The following MXI1 variants were observed in gnomAD, a reference collection of about 807,000 sequenced individuals.
MXI1 encodes the protein MAX interactor 1, dimerization protein.
In MXI1, 18 loss-of-function variants were observed where a neutral mutation model predicts 36.9. The ratio of observed to expected loss-of-function variants is 0.49; its 90% CI spans 0.34 to 0.72. The LOEUF (loss-of-function observed/expected upper bound fraction) is 0.72. MXI1 is among the 30% of genes least tolerant of loss of function. MXI1 has a pLI of 0.01. For missense variants in MXI1, 304 were observed against 379.1 expected, an observed-to-expected ratio of 0.80 and a Z score of 1.64; for synonymous variants, 160 against 146.7, an observed-to-expected ratio of 1.09 and a Z score of -0.65.
intron 1 of MXI1, among the ~76,000 whole-genome samples, chr10:110,212,652 T>C (rs1854540518): frequency 6.6e-6 from 1 of 152,230 alleles, no homozygotes; most frequent in Non-Finnish European, 1.5e-5. Flanking sequence ...ACTGGCTTTG[T>C]GACTTTGGAC....
chr10:110,231,442 C>T (rs1855257667), intron 2 of MXI1, among the ~76,000 whole-genome samples: 1 of 151,690 alleles, frequency 6.6e-6, no homozygotes, highest in African/African-American at 2.4e-5. Flanking sequence ...TCCTATTCCC[C>T]TTTCCCCCAT....
intron 1 of MXI1, among the ~76,000 whole-genome samples, chr10:110,226,803 G>A (rs557682086): frequency 3.5e-5 from 1 of 28,242 alleles, no homozygotes; most frequent in South Asian, 1.1e-3. Flanking sequence ...GCGCGTGAGG[G>A]GAGGGGCGTG....
intron 3 of MXI1, among the ~76,000 whole-genome samples, chr10:110,268,712 A>G (rs1856761747): frequency 6.6e-6 from 1 of 152,104 alleles, no homozygotes; most frequent in Non-Finnish European, 1.5e-5. Context: ...GGCTGCCTCC[A>G]AAAGTTACTC....
In MXI1 at chr10:110,208,274, C is replaced by A. The variant is rs1590315652; in HGVS notation, c.274+192C>A. The A allele has an allele frequency of 1.3e-5, 7 of 534,052 alleles. No individual in the cohort carries two copies. The East Asian group carries it at 2.6e-4, about 20-fold the overall frequency. 33.1% of individuals were successfully genotyped at this position (534,052 alleles called of 1,614,324 possible). ...CTGCTAAAGATGTAACAAAGACGGG[C>A]GAGGGGGAGAGGGGCCTGTCGGTGC... On this transcript the variant is annotated intron_variant, in intron 1 of 5. Coordinates refer to ENST00000332674, the MANE Select transcript of MXI1 (RefSeq NM_130439.3).
chr10:110,211,004 A>G (rs1854498491), intron 1 of MXI1, among the ~76,000 whole-genome samples: 1 of 151,424 alleles, frequency 6.6e-6, no homozygotes, highest in African/African-American at 2.4e-5. Context: ...GGTTTCTGGA[A>G]GGAAGCAGGG....
Position 110,235,690 on chromosome 10 carries a change from A to AAAATAAATAAAT in MXI1, c.407+7388_407+7399dup, listed in dbSNP as rs60672702. 2.8e-4 allele frequency among the ~76,000 whole-genome samples: 42 copies of AAAATAAATAAAT among 149,198 alleles called. No individual in the cohort carries two copies. The Middle Eastern group carries it at 0.018, about 63-fold the overall frequency. ...GTGACAGAGCAAGACTCTGTCTCAAAAAATAAATAAATAAATAAATAAATA... is the reference window on the plus strand; with the variant it reads ...GTGACAGAGCAAGACTCTGTCTCAAAAAATAAATAAATAAATAAATAAATAAATAAATAAATA... On this transcript the variant is annotated intron_variant, in intron 2 of 5. Transcript: ENST00000332674.
intron 2 of MXI1, among the ~76,000 whole-genome samples, chr10:110,237,648 T>A (rs1322816336): frequency 1.3e-5 from 2 of 152,218 alleles, no homozygotes; most frequent in Non-Finnish European, 2.9e-5. Context: ...TCGCTACAGA[T>A]GCCAGCCATA....
At chr10:110,243,810 T>C (rs1461857149) in intron 2 of MXI1, among the ~76,000 whole-genome samples, 1 of 152,120 alleles carries the variant, frequency 6.6e-6, no homozygotes, top group East Asian at 1.9e-4. Flanking sequence ...TTTTCCTATT[T>C]CATAGATGAG....
At chr10:110,208,170 C>G in intron 1 of MXI1, 88 bp downstream of exon 1, 1 of 1,050,630 alleles carries the variant, frequency 9.5e-7, no homozygotes, top group Non-Finnish European at 1.3e-6. Flanking sequence ...CTCGGCCCGT[C>G]CCCCCCCCGC....
chr10:110,260,862 T>A (rs1856488648), intron 3 of MXI1: 2 of 281,116 alleles, frequency 7.1e-6, no homozygotes, highest in South Asian at 1.4e-4. Flanking sequence ...TCTAAGGAAA[T>A]GTAGTTAATC....
chr10:110,232,685 A>G (rs1168244619), intron 2 of MXI1, among the ~76,000 whole-genome samples: 1 of 152,206 alleles, frequency 6.6e-6, no homozygotes, highest in Non-Finnish European at 1.5e-5. Flanking sequence ...AAGGTTTTCA[A>G]ACTCCAAGCA....
chr10:110,259,974 A>C (rs1234923153), intron 3 of MXI1, among the ~76,000 whole-genome samples: 1 of 152,058 alleles, frequency 6.6e-6, no homozygotes, highest in African/African-American at 2.4e-5. Context: ...CATCTTCTAA[A>C]TCAAGAAAAG....
chr10:110,245,923 AG>A (rs1274882565), intron 3 of MXI1: 1 of 152,184 alleles, frequency 6.6e-6, no homozygotes, highest in Non-Finnish European at 1.5e-5. Flanking sequence ...GTTGAGTCTT[AG>A]ATGATATTAC....
At chr10:110,245,518 T>C (rs1340120340) in intron 3 of MXI1, among the ~76,000 whole-genome samples, 3 of 152,162 alleles carry the variant, frequency 2.0e-5, no homozygotes, top group Non-Finnish European at 4.4e-5. Context: ...CTTGGAAAGT[T>C]CTGCAGAGGA....
intron 3 of MXI1, among the ~76,000 whole-genome samples, chr10:110,253,236 G>C (rs1027814622): frequency 2.6e-5 from 4 of 151,894 alleles, no homozygotes; most frequent in Admixed American, 6.6e-5. Context: ...TATTCCAATT[G>C]TTTGGACACG....
chr10:110,260,416 G>GGGGT (rs1374637231), intron 3 of MXI1, among the ~76,000 whole-genome samples: 238 of 144,656 alleles, frequency 1.6e-3, no homozygotes, highest in African/African-American at 5.7e-3. Flanking sequence ...CCTTGATACA[G>GGGGT]GTGTGTGTGT....
chr10:110,253,619 A>G (rs368256474), intron 3 of MXI1, among the ~76,000 whole-genome samples: 14 of 152,112 alleles, frequency 9.2e-5, no homozygotes, highest in African/African-American at 3.4e-4. Context: ...AATAGTACTT[A>G]AAGGGTATTT....
At position 110,284,962 on chromosome 10, in the gene MXI1, G is replaced by A. The variant is rs369868784; in HGVS notation, c.863G>A (p.Ser288Asn). The A allele has an allele frequency of 2.0e-5, 32 of 1,612,724 alleles. No homozygotes were observed. Among genetic ancestry groups the A allele is most frequent in the Non-Finnish European group, 2.6e-5 (31 of 1,179,554 alleles). ...IGSDEGYSSA[S>N]VKLSFTS ...AGTGACGAGGGTTACTCCAGTGCCA[G>A]TGTCAAACTTTCATTCACTTCATAG... Residue 288 changes from serine (S) to asparagine (N), a missense_variant, in exon 6 of 6, where the codon AGT (serine) becomes AAT (asparagine). Coordinates refer to ENST00000332674, the MANE Select transcript of MXI1 (RefSeq NM_130439.3).
intron 1 of MXI1, chr10:110,226,207 G>A (rs1854961517): frequency 4.7e-6 from 7 of 1,479,382 alleles, no homozygotes; most frequent in Admixed American, 2.2e-5. Context: ...CACCCGCGGT[G>A]CCCATGGAGC....
Sources: allele counts gnomAD v4.1 joint callset (sites outside exome capture counted in the v4.1 genomes callset), GRCh38; gene constraint gnomAD v4.1.1; transcripts MANE v1.5; gene names NCBI Gene and HGNC (gene_info 2026-07-23, HGNC 2026-07-21).